Variants in RO60 observed in about 807,000 individuals in gnomAD.
RO60 encodes the protein RNA-binding protein RO60.
Under a neutral mutation model 55.3 loss-of-function variants are expected in RO60, and 20 were observed. The observed-to-expected ratio is 0.36, with a 90% confidence interval of 0.25 to 0.53. The LOEUF is 0.53. Among genes scored for constraint, RO60 ranks in the 20% least tolerant of loss-of-function variants. The pLI is 0.92. For missense variants in RO60, 558 were observed against 646.6 expected (o/e 0.86, Z 1.49); for synonymous variants, 213 against 213.6 (o/e 1.00, Z 0.02).
intron 5 of RO60, among the ~76,000 whole-genome samples, chr1:193,078,150 A>T (rs530266642): frequency 2.0e-5 from 3 of 152,336 alleles, no homozygotes; most frequent in Admixed American, 2.0e-4. Context: ...GAAGTGACAA[A>T]AACCACATAA....
At position 193,076,048 on chromosome 1, in the gene RO60, A is replaced by T. The variant is rs768432460; in HGVS notation, c.801+8A>T. 2 of 1,574,928 alleles carry T rather than the reference A, an allele frequency of 1.3e-6. No homozygotes were observed. The highest frequency in any genetic ancestry group is 1.7e-6 in the Non-Finnish European group (2 of 1,153,934). On this transcript the variant is annotated splice_region_variant and intron_variant, in intron 3 of 8. Transcript: ENST00000400968. ...CACTTAAAGTCTAAAGAGGTGAGTG[A>T]ATTATATGTTACAGCATGTGATTAA... is the stretch of plus-strand genomic sequence containing the variant.
At chr1:193,060,073 G>A in intron 1 of RO60, 5 of 1,304,646 alleles carry the variant, frequency 3.8e-6, no homozygotes, top group South Asian at 1.3e-5. Flanking sequence ...CCGACGTCGA[G>A]AGGGCCTGCT....
chr1:193,085,234 C>A lies in RO60; in HGVS notation c.*503C>A. On this transcript the variant is annotated 3_prime_UTR_variant, in exon 9 of 9. Coordinates refer to ENST00000400968, the MANE Select transcript of RO60 (RefSeq NM_001173524.2). ...AAGGGGGTAAAAAAAAAAACTAAGG[C>A]ATTTGATTAAATTATGAATGAGTTT... is the stretch of plus-strand genomic sequence containing the variant. The A allele has an allele frequency of 8.6e-7, 1 of 1,162,542 alleles. No individual in the cohort carries two copies. Among genetic ancestry groups the A allele is most frequent in the Non-Finnish European group, 1.1e-6 (1 of 941,712 alleles). The allele number at this position is 1,162,542 out of a possible 1,614,324, so 72.0% of individuals were successfully genotyped here.
rs1011095739 is a variant in RO60 at position 193,086,743 on chromosome 1, T to C, written c.*2012T>C. ...TATTAAATCCATCAAGGATACAAGATTGGATGGATATGACCTTTCTGAAGT... is the reference window on the plus strand; with the variant it reads ...TATTAAATCCATCAAGGATACAAGACTGGATGGATATGACCTTTCTGAAGT... On this transcript the variant is annotated 3_prime_UTR_variant, in exon 9 of 9. Transcript: ENST00000400968. The C allele has an allele frequency of 2.0e-5, 3 of 152,060 alleles. No individual in the cohort carries two copies. Among genetic ancestry groups the C allele is most frequent in the African/African-American group, 7.2e-5 (3 of 41,424 alleles). The allele number at this position is 152,060 out of a possible 1,614,324, so 9.4% of individuals were successfully genotyped here. A position where few individuals can be genotyped will look rare whatever the true frequency, so the allele number is the denominator to read the frequency against.
chr1:193,088,449 G>A lies in RO60; in HGVS notation c.*3718G>A, dbSNP rs1674718116. 6.6e-6 allele frequency: 1 copy of A among 151,586 alleles called. No homozygotes were observed. The highest frequency in any genetic ancestry group is 1.5e-5 in the Non-Finnish European group (1 of 67,908). 9.4% of individuals were successfully genotyped at this position (151,586 alleles called of 1,614,324 possible). A position where few individuals can be genotyped will look rare whatever the true frequency, so the allele number is the denominator to read the frequency against. ...GAAATTATTTTGGAAAGATAAGGTA[G>A]GATTCTTGAATAAATCTGAAGGTCT... On this transcript the variant is annotated 3_prime_UTR_variant, in exon 9 of 9. Transcript: ENST00000400968.
Position 193,059,854 on chromosome 1 carries a change from GTC to G in RO60, c.-22+83_-22+84del. 2 of 1,363,358 alleles carry G rather than the reference GTC, an allele frequency of 1.5e-6. No homozygotes were observed. The highest frequency in any genetic ancestry group is 2.0e-6 in the Non-Finnish European group (2 of 1,020,512). 84.5% of individuals were successfully genotyped at this position (1,363,358 alleles called of 1,614,324 possible). ...GCGCAAATTCTGACCAGTCCTCCATGTCTCTCACCCGCATCCCAGGGGTTGAG... is the reference window on the plus strand; with the variant it reads ...GCGCAAATTCTGACCAGTCCTCCATGTCTCACCCGCATCCCAGGGGTTGAG... On this transcript the variant is annotated intron_variant, in intron 1 of 8. Coordinates refer to ENST00000400968, the MANE Select transcript of RO60 (RefSeq NM_001173524.2). The surrounding 1 kb of genome is among the most constrained non-coding windows in gnomAD (Gnocchi z 4.9).
intron 5 of RO60, among the ~76,000 whole-genome samples, chr1:193,079,403 G>GATAAGGGTGCCA (rs1320844028): frequency 6.6e-6 from 1 of 151,938 alleles, no homozygotes; most frequent in African/African-American, 2.4e-5. Flanking sequence ...GTTGACTTTT[G>GATAAGGGTGCCA]ATAAGGGTGC....
rs886862140 is a variant in RO60, at chr1:193,085,371, A to G, written c.*640A>G. The G allele has an allele frequency of 3.9e-5, 39 of 993,486 alleles. No individual in the cohort carries two copies. The highest frequency in any genetic ancestry group is 4.2e-5 in the Non-Finnish European group (35 of 835,386). 61.5% of individuals were successfully genotyped at this position (993,486 alleles called of 1,614,324 possible). The stretch of plus-strand genomic sequence containing the variant: ...ATTTGCACTTGTGGAATATGTTACC[A>G]TTAATCAGAAACATCATGGCAACCC... On this transcript the variant is annotated 3_prime_UTR_variant, in exon 9 of 9. Coordinates refer to ENST00000400968, the MANE Select transcript of RO60 (RefSeq NM_001173524.2).
downstream of RO60, chr1:193,091,733 T>C (rs1456168352): frequency 6.6e-7 from 1 of 1,510,854 alleles, no homozygotes; most frequent in Admixed American, 1.8e-5. Flanking sequence ...GGTCAGTTAT[T>C]GTAGAAATTG....
At chr1:193,068,430 A>G (rs1673261506) in intron 1 of RO60, among the ~76,000 whole-genome samples, 1 of 152,250 alleles carries the variant, frequency 6.6e-6, no homozygotes. Flanking sequence ...GGCTAGGGAA[A>G]GGCCTAGCCT....
Position 193,059,758 on chromosome 1 carries a change from G to T in RO60, c.-40G>T, listed in dbSNP as rs371900922. On this transcript the variant is annotated 5_prime_UTR_variant, in exon 1 of 9. Coordinates refer to ENST00000400968, the MANE Select transcript of RO60 (RefSeq NM_001173524.2). The surrounding 1 kb of genome is among the most constrained non-coding windows in gnomAD (Gnocchi z 4.9). ...TCCTGGCGGCGCTGCGGATCCAGGG[G>T]GTCGGCTGCCAGGTACAGGTGAGGA... 2.2e-6 allele frequency: 3 copies of T among 1,355,966 alleles called. No homozygotes were observed. The highest frequency in any genetic ancestry group is 1.5e-5 in the African/African-American group (1 of 67,620). 84.0% of individuals were successfully genotyped at this position (1,355,966 alleles called of 1,614,324 possible). A position where few individuals can be genotyped will look rare whatever the true frequency, so the allele number is the denominator to read the frequency against.
chr1:193,060,088 T>C (rs978692288), intron 1 of RO60: 1 of 1,256,618 alleles, frequency 8.0e-7, no homozygotes, highest in African/African-American at 1.5e-5. Context: ...CCTGCTTTAC[T>C]CCTCCTCTTT....
chr1:193,075,893 C>CT lies in RO60; in HGVS notation c.655dup (p.Ser219PhefsTer5). ...ATGAATTGTATAAAGAAAAAGCACT[C>CT]TCTGTGGAGACTGAAAAATTATTAA... On this transcript the variant is annotated frameshift_variant, in exon 3 of 9. Transcript: ENST00000400968. LOFTEE classifies it high-confidence loss of function. The CT allele has an allele frequency of 6.2e-7, 1 of 1,613,080 alleles. No homozygotes were observed. Among genetic ancestry groups the CT allele is most frequent in the Non-Finnish European group, 8.5e-7 (1 of 1,179,466 alleles).
intron 6 of RO60, 113 bp from the exon 7 acceptor site, chr1:193,082,073 A>G: frequency 1.4e-6 from 1 of 737,758 alleles, no homozygotes; most frequent in Non-Finnish European, 2.4e-6. Flanking sequence ...ACACACTAAT[A>G]AAAAGTTAAG....
At chr1:193,075,113 A>G (rs186365518) in intron 2 of RO60, among the ~76,000 whole-genome samples, 3 of 152,226 alleles carry the variant, frequency 2.0e-5, no homozygotes, top group Non-Finnish European at 4.4e-5. Flanking sequence ...AGACATTTTA[A>G]TGTTGTAATC....
rs10801173 is a variant in RO60, at chr1:193,085,355, T to A, written c.*624T>A. 1.0e-6 allele frequency: 1 copy of A among 1,000,450 alleles called. No homozygotes were observed. Among genetic ancestry groups the A allele is most frequent in the Non-Finnish European group, 1.2e-6 (1 of 839,820 alleles). 62.0% of individuals were successfully genotyped at this position (1,000,450 alleles called of 1,614,324 possible). A position where few individuals can be genotyped will look rare whatever the true frequency, so the allele number is the denominator to read the frequency against. On this transcript the variant is annotated 3_prime_UTR_variant, in exon 9 of 9. Transcript: ENST00000400968. The stretch of plus-strand genomic sequence containing the variant: ...TTATTTCTGATGTTTTATTTGCACT[T>A]GTGGAATATGTTACCATTAATCAGA...
intron 5 of RO60, among the ~76,000 whole-genome samples, chr1:193,078,866 A>G (rs1267115736): frequency 6.6e-6 from 1 of 151,370 alleles, no homozygotes; most frequent in Non-Finnish European, 1.5e-5. Flanking sequence ...CAGAGATAGA[A>G]AAACCCATTC....
intron 5 of RO60, among the ~76,000 whole-genome samples, chr1:193,078,755 C>T (rs1295757736): frequency 2.0e-5 from 3 of 152,118 alleles, no homozygotes; most frequent in Non-Finnish European, 4.4e-5. Flanking sequence ...TCTGTGTTTA[C>T]AGATTGGAAG....
downstream of RO60, chr1:193,091,560 TAGAG>T (rs878994493): frequency 1.8e-6 from 2 of 1,090,244 alleles, no homozygotes; most frequent in Admixed American, 2.0e-5. Flanking sequence ...TGTTTTCTAA[TAGAG>T]AATGAATGAA....
Sources: allele counts gnomAD v4.1 joint callset (sites outside exome capture counted in the v4.1 genomes callset), GRCh38; gene constraint gnomAD v4.1.1; non-coding constraint Gnocchi (gnomAD v3.1); transcripts MANE v1.5; gene names NCBI Gene and HGNC (gene_info 2026-07-23, HGNC 2026-07-21).